The following SGCZ variants were observed in gnomAD, a reference collection of about 807,000 sequenced individuals.
The protein encoded by SGCZ is sarcoglycan zeta.
Under a neutral mutation model 41.3 loss-of-function variants are expected in SGCZ, and 40 were observed. The ratio of observed to expected loss-of-function variants is 0.97; its 90% CI spans 0.75 to 1.26. The LOEUF is 1.26. SGCZ is among the 50% of genes most tolerant of loss of function. The pLI, the probability that SGCZ is intolerant of heterozygous loss-of-function variation, is 0.00. For synonymous variants in SGCZ, 206 were observed against 137.5 expected (o/e 1.50, Z -3.49); for missense variants, 552 against 369.8 (o/e 1.49, Z -4.04).
chr8:14,986,949 G>A (rs1326184053), intron 1 of SGCZ, among the ~76,000 whole-genome samples: 3 of 151,826 alleles, frequency 2.0e-5, no homozygotes, highest in Non-Finnish European at 4.4e-5. Flanking sequence ...AAAATTAAAG[G>A]AGGAGAATAA....
At chr8:14,912,514 A>G (rs1799305621) in intron 1 of SGCZ, among the ~76,000 whole-genome samples, 2 of 152,074 alleles carry the variant, frequency 1.3e-5, no homozygotes, top group Admixed American at 1.3e-4. Context: ...ATTTAAAGAA[A>G]TTGTGTACAT....
chr8:15,058,368 C>T (rs192959100), intron 1 of SGCZ, among the ~76,000 whole-genome samples: 2 of 152,238 alleles, frequency 1.3e-5, no homozygotes, highest in Middle Eastern at 3.4e-3. Context: ...CACATTCTTA[C>T]ATTTAAAGTT....
chr8:14,567,030 C>T lies in SGCZ; in HGVS notation c.40-12104G>A, dbSNP rs560093416. On this transcript the variant is annotated intron_variant, in intron 1 of 7. Coordinates refer to ENST00000382080, the MANE Select transcript of SGCZ (RefSeq NM_139167.4). ...ACCAGGTCCCCCAGCAGTGCCGGCT[C>T]CCCGGGGCTGTGCTCAATTTCTCCC... Among the ~76,000 whole-genome samples the T allele has an allele frequency of 7.2e-5, 11 of 152,312 alleles. No homozygotes were observed. In the East Asian group the frequency reaches 1.7e-3, roughly 24 times the overall value.
chr8:15,004,499 G>A (rs1237048897), intron 1 of SGCZ, among the ~76,000 whole-genome samples: 1 of 152,086 alleles, frequency 6.6e-6, no homozygotes, highest in African/African-American at 2.4e-5. Context: ...GACAGAGGTG[G>A]GAATTTCAAG....
chr8:14,230,379 G>A lies in SGCZ; in HGVS notation c.424+7213C>T, dbSNP rs148691595. On this transcript the variant is annotated intron_variant, in intron 4 of 7. Transcript: ENST00000382080. ...TAATGCATACTATGCTCCAGGAAGC[G>A]TTCCAATACCTTACTATATGTTAAC... Among the ~76,000 whole-genome samples the A allele has an allele frequency of 1.5e-4, 23 of 152,112 alleles. No individual in the cohort carries two copies. In the East Asian group the frequency reaches 2.7e-3, roughly 18 times the overall value.
intron 1 of SGCZ, among the ~76,000 whole-genome samples, chr8:14,804,081 A>G (rs1484494876): frequency 1.9e-5 from 2 of 105,522 alleles, no homozygotes; most frequent in Non-Finnish European, 1.8e-5. Flanking sequence ...CCATCTGTAC[A>G]TCACCATCAT....
intron 1 of SGCZ, among the ~76,000 whole-genome samples, chr8:15,182,950 T>C (rs1252495305): frequency 4.6e-5 from 7 of 152,332 alleles, no homozygotes; most frequent in African/African-American, 1.4e-4. Context: ...CTTTTTAAAC[T>C]TTTTTGTGAA....
intron 4 of SGCZ, among the ~76,000 whole-genome samples, chr8:14,229,650 TAAAAA>T (rs10539330): frequency 6.0e-5 from 9 of 150,306 alleles, no homozygotes; most frequent in East Asian, 3.9e-4. Context: ...TTCTCTAAGT[TAAAAA>T]AAAAAAAAGA....
chr8:15,219,663 C>T (rs1397596119), intron 1 of SGCZ, among the ~76,000 whole-genome samples: 1 of 152,250 alleles, frequency 6.6e-6, no homozygotes, highest in East Asian at 1.9e-4. Flanking sequence ...CGGAATGCTA[C>T]TATTCACCTC....
chr8:14,773,278 C>T (rs1056350834), intron 1 of SGCZ, among the ~76,000 whole-genome samples: 2 of 152,226 alleles, frequency 1.3e-5, no homozygotes, highest in Non-Finnish European at 2.9e-5. Context: ...GACTTTTCAA[C>T]GTGCCTTTAA....
rs117528222 is a variant in SGCZ at position 14,293,620 on chromosome 8, A to G, written c.336+30483T>C. On this transcript the variant is annotated intron_variant, in intron 3 of 7. Coordinates refer to ENST00000382080, the MANE Select transcript of SGCZ (RefSeq NM_139167.4). ...AAAATGTAAGCTCAAAAATTCTCCA[A>G]TCTATATAAAATCTTCAAACTAGTT... 6.5e-3 allele frequency among the ~76,000 whole-genome samples: 981 copies of G among 152,012 alleles called. 11 individuals are homozygous for G. Among genetic ancestry groups the G allele is most frequent in the South Asian group, 0.043 (209 of 4,826 alleles).
At chr8:14,310,878 A>G (rs1801517565) in intron 3 of SGCZ, among the ~76,000 whole-genome samples, 1 of 152,092 alleles carries the variant, frequency 6.6e-6, no homozygotes, top group Non-Finnish European at 1.5e-5. Context: ...CTCAGGGTAG[A>G]CCAAATTTCA....
At chr8:14,575,619 A>G (rs919820752) in intron 1 of SGCZ, among the ~76,000 whole-genome samples, 3 of 152,152 alleles carry the variant, frequency 2.0e-5, no homozygotes, top group African/African-American at 7.2e-5. Flanking sequence ...GTTAAAATGA[A>G]TTGAGGGCCA....
intron 4 of SGCZ, among the ~76,000 whole-genome samples, chr8:14,180,367 G>A (rs1226349271): frequency 2.6e-5 from 4 of 152,072 alleles, no homozygotes; most frequent in South Asian, 4.1e-4. Flanking sequence ...CTCTGAATGC[G>A]GGGAGGGGGC....
intron 2 of SGCZ, among the ~76,000 whole-genome samples, chr8:14,336,725 G>T (rs923557465): frequency 6.6e-5 from 10 of 152,126 alleles, no homozygotes; most frequent in African/African-American, 2.4e-4. Context: ...GGATTCAGCT[G>T]CTTACTGCCT....
At chr8:14,583,793 T>C (rs1804971925) in intron 1 of SGCZ, among the ~76,000 whole-genome samples, 1 of 151,396 alleles carries the variant, frequency 6.6e-6, no homozygotes, top group Non-Finnish European at 1.5e-5. Context: ...TATATGATAT[T>C]CAATTTTATT....
chr8:14,688,222 G>T (rs1370104363), intron 1 of SGCZ, among the ~76,000 whole-genome samples: 1 of 152,054 alleles, frequency 6.6e-6, no homozygotes, highest in Non-Finnish European at 1.5e-5. Flanking sequence ...GTCAACTTTG[G>T]CTTTTGTTGC....
intron 1 of SGCZ, among the ~76,000 whole-genome samples, chr8:14,817,530 G>C (rs1801944460): frequency 6.6e-6 from 1 of 152,086 alleles, no homozygotes; most frequent in Non-Finnish European, 1.5e-5. Context: ...TTCTGCCCTA[G>C]GGATCAGTTT....
chr8:15,236,819 G>T (rs1448591228), intron 1 of SGCZ, among the ~76,000 whole-genome samples: 2 of 152,082 alleles, frequency 1.3e-5, no homozygotes, highest in Non-Finnish European at 2.9e-5. Flanking sequence ...GGGAACCCGC[G>T]GAGCGGCGGG....
Sources: allele counts gnomAD v4.1 joint callset (sites outside exome capture counted in the v4.1 genomes callset), GRCh38; gene constraint gnomAD v4.1.1; transcripts MANE v1.5; gene names NCBI Gene and HGNC (gene_info 2026-07-23, HGNC 2026-07-21).